The following ZNF233 variants were observed in gnomAD, a reference collection of about 807,000 sequenced individuals.
ZNF233 encodes the protein zinc finger protein 233.
ZNF233 carries 7 observed loss-of-function variants against 11.6 expected under a neutral mutation model. That is an observed-to-expected ratio of 0.60 (90% CI 0.34 to 1.13). The LOEUF is 1.13. Among genes scored for constraint, ZNF233 ranks in the 50% most tolerant of loss-of-function variants. The pLI is 0.03. For synonymous variants in ZNF233, 226 were observed against 268.5 expected (o/e 0.84, Z 1.55); for missense variants, 711 against 785.5 (o/e 0.91, Z 1.13).
In ZNF233 at chr19:44,274,459, G is replaced by T. The variant is rs1009398833; in HGVS notation, c.1799G>T (p.Gly600Val). The change falls in exon 5 of 5, where the codon GGC (glycine) becomes GTC (valine). Residue 600 changes from glycine (G) to valine (V), a missense_variant. Transcript: ENST00000683810. ...TACAAATGTGAAGAATGTAGGAAAG[G>T]CTTCATCTGGAACTCATATCTTCAT... is the stretch of plus-strand genomic sequence containing the variant. ...KPYKCEECRK[G>V]FIWNSYLHVH... 6.2e-7 allele frequency: 1 copy of T among 1,614,090 alleles called. No individual in the cohort carries two copies. The highest frequency in any genetic ancestry group is 8.5e-7 in the Non-Finnish European group (1 of 1,179,976).
intron 2 of ZNF233, among the ~76,000 whole-genome samples, chr19:44,265,424 CTTTTG>C (rs1975055861): frequency 2.0e-5 from 3 of 146,806 alleles, no homozygotes; most frequent in Admixed American, 1.4e-4. Context: ...GGTTTCTTTT[CTTTTG>C]TTTTTTTTTG....
intron 1 of ZNF233, chr19:44,260,328 C>A (rs753119676): frequency 6.4e-6 from 1 of 155,256 alleles, no homozygotes; most frequent in Non-Finnish European, 1.4e-5. Flanking sequence ...TAGGACCGAT[C>A]CTGACACACA....
chr19:44,265,447 G>A (rs1188242425), intron 2 of ZNF233, among the ~76,000 whole-genome samples: 1 of 150,934 alleles, frequency 6.6e-6, no homozygotes, highest in Admixed American at 6.6e-5. Flanking sequence ...TTGAGACGGA[G>A]TCTTGCACTG....
At chr19:44,261,417 G>A (rs1273614416) in intron 1 of ZNF233, among the ~76,000 whole-genome samples, 1 of 152,024 alleles carries the variant, frequency 6.6e-6, no homozygotes, top group East Asian at 1.9e-4. Flanking sequence ...AAGAGAGTGA[G>A]AGTCTGTCTC....
At position 44,273,110 on chromosome 19, in the gene ZNF233, G is replaced by C. The variant is rs779219297; in HGVS notation, c.450G>C (p.Gln150His). Residue 150 changes from glutamine to histidine, a missense_variant, in exon 5 of 5, where the codon CAG (glutamine) becomes CAC (histidine). Physicochemically the swap from Gln to His is conservative, Grantham distance 24. Transcript: ENST00000683810. The stretch of plus-strand genomic sequence containing the variant: ...AGGTGTGGACAGGAGAATCTAGTCA[G>C]GTCTCTGAAGATGAGAACTATGTAA... ...PCQVWTGESS[Q>H]VSEDENYVIK... is the part of the protein sequence containing the mutation. 2 of 1,613,888 alleles carry C rather than the reference G, an allele frequency of 1.2e-6. No homozygotes were observed. The highest frequency in any genetic ancestry group is 2.7e-5 in the African/African-American group (2 of 74,886).
chr19:44,266,238 G>C lies in ZNF233; in HGVS notation c.56G>C (p.Arg19Thr). The C allele has an allele frequency of 6.2e-7, 1 of 1,612,656 alleles. No homozygotes were observed. The highest frequency in any genetic ancestry group is 1.1e-5 in the South Asian group (1 of 91,030). The change falls in exon 3 of 5, where the codon AGG (arginine) becomes ACG (threonine). Residue 19 changes from arginine (R) to threonine (T), a missense_variant. Coordinates refer to ENST00000683810, the MANE Select transcript of ZNF233 (RefSeq NM_001207005.2). ...TFKDVAVVFT[R>T]EELGLLDLAQ... ...AAGGATGTGGCTGTGGTCTTCACCA[G>C]GGAGGAGCTGGGGTTGCTGGACCTT...
chr19:44,273,243 C>G lies in ZNF233; in HGVS notation c.583C>G (p.Gln195Glu). ...GTATCTGAGAGAACCACAGAATTATCAGAGTAGGTGTCAGCAAATTGATGT... is the reference window on the plus strand; with the variant it reads ...GTATCTGAGAGAACCACAGAATTATGAGAGTAGGTGTCAGCAAATTGATGT... ...KMYLREPQNY[Q>E]SRCQQIDVKN... is the part of the protein sequence containing the mutation. Residue 195 changes from glutamine to glutamate, a missense_variant, in exon 5 of 5, where the codon CAG becomes GAG. Coordinates refer to ENST00000683810, the MANE Select transcript of ZNF233 (RefSeq NM_001207005.2). 1.9e-6 allele frequency: 3 copies of G among 1,613,858 alleles called. No individual in the cohort carries two copies. Among genetic ancestry groups the G allele is most frequent in the Admixed American group, 3.3e-5 (2 of 60,006 alleles).
In ZNF233 at chr19:44,274,451, T is replaced by C; in HGVS notation, c.1791T>C (p.Cys597=). The change falls in exon 5 of 5, where the codon TGT becomes TGC. Residue 597 remains cysteine (C), a synonymous_variant. Transcript: ENST00000683810. The stretch of plus-strand genomic sequence containing the variant: ...AGAAACCATACAAATGTGAAGAATG[T>C]AGGAAAGGCTTCATCTGGAACTCAT... The part of the protein sequence containing the change: ...TGEKPYKCEE[C]RKGFIWNSYL... 1 of 1,614,122 alleles carries C rather than the reference T, an allele frequency of 6.2e-7. No individual in the cohort carries two copies. The highest frequency in any genetic ancestry group is 1.1e-5 in the South Asian group (1 of 91,084).
chr19:44,262,438 G>T (rs1433276735), intron 1 of ZNF233, among the ~76,000 whole-genome samples: 1 of 152,210 alleles, frequency 6.6e-6, no homozygotes, highest in Admixed American at 6.5e-5. Flanking sequence ...GTAGTGAGCA[G>T]AGCTGAGCCA....
At position 44,274,761 on chromosome 19, in the gene ZNF233, CA is replaced by C; in HGVS notation, c.*89del. 1 of 989,760 alleles carries C rather than the reference CA, an allele frequency of 1.0e-6. No individual in the cohort carries two copies. The highest frequency in any genetic ancestry group is 1.4e-6 in the Non-Finnish European group (1 of 695,502). The allele number at this position is 989,760 out of a possible 1,614,324, so 61.3% of individuals were successfully genotyped here. A position where few individuals can be genotyped will look rare whatever the true frequency, so the allele number is the denominator to read the frequency against. The stretch of plus-strand genomic sequence containing the variant: ...CATTTTCCTCAGAAAATCCACACAG[CA>C]CAGAATATTTATAAAATGTCATGTT... On this transcript the variant is annotated 3_prime_UTR_variant, in exon 5 of 5. Coordinates refer to ENST00000683810, the MANE Select transcript of ZNF233 (RefSeq NM_001207005.2).
intron 1 of ZNF233, 120 bp from the exon 2 acceptor site, chr19:44,264,192 GGC>G: frequency 1.5e-6 from 1 of 681,386 alleles, no homozygotes; most frequent in Non-Finnish European, 2.6e-6. Context: ...TGCCTGCCTC[GGC>G]CTCCCAAAGT....
At chr19:44,264,868 A>C (rs1288341926) in intron 2 of ZNF233, among the ~76,000 whole-genome samples, 3 of 152,206 alleles carry the variant, frequency 2.0e-5, no homozygotes, top group African/African-American at 7.2e-5. Flanking sequence ...AGAGGCTACA[A>C]AACAAACACA....
chr19:44,267,214 A>G, intron 4 of ZNF233: 2 of 434,030 alleles, frequency 4.6e-6, no homozygotes, highest in East Asian at 3.3e-5. Context: ...ATTAATTCCA[A>G]AATCTCTACG....
intron 4 of ZNF233, among the ~76,000 whole-genome samples, chr19:44,270,520 TCAAAA>T (rs1975210115): frequency 6.6e-6 from 1 of 152,032 alleles, no homozygotes; most frequent in Non-Finnish European, 1.5e-5. Context: ...GAACTTCGTC[TCAAAA>T]CAAAACAAAA....
Position 44,273,822 on chromosome 19 carries a change from C to G in ZNF233, c.1162C>G (p.His388Asp), listed in dbSNP as rs1406110590. The G allele has an allele frequency of 6.2e-7, 1 of 1,614,158 alleles. No individual in the cohort carries two copies. The highest frequency in any genetic ancestry group is 8.5e-7 in the Non-Finnish European group (1 of 1,180,024). ...GFHHSLDFDI[H>D]CVDSAGERAC... is the part of the protein sequence containing the mutation. ...CCATCATAGCTTAGATTTTGACATT[C>G]ACTGTGTAGACAGTGCTGGAGAGAG... Residue 388 changes from histidine to aspartate, a missense_variant, in exon 5 of 5, where the codon CAC becomes GAC. Physicochemically the swap from His to Asp is moderately conservative, Grantham distance 81 (BLOSUM62 -1). Coordinates refer to ENST00000683810, the MANE Select transcript of ZNF233 (RefSeq NM_001207005.2).
At chr19:44,260,516 C>G (rs1312318886) in intron 1 of ZNF233, among the ~76,000 whole-genome samples, 3 of 152,116 alleles carry the variant, frequency 2.0e-5, no homozygotes, top group African/African-American at 7.2e-5. Flanking sequence ...CGTGGGGGGA[C>G]GGGGGTGTCA....
At position 44,274,449 on chromosome 19, in the gene ZNF233, T is replaced by G. The variant is rs774382974; in HGVS notation, c.1789T>G (p.Cys597Gly). ...TGEKPYKCEE[C>G]RKGFIWNSYL... ...AGAGAAACCATACAAATGTGAAGAA[T>G]GTAGGAAAGGCTTCATCTGGAACTC... The change falls in exon 5 of 5, where the codon TGT becomes GGT. Residue 597 changes from cysteine (C) to glycine (G), a missense_variant. Transcript: ENST00000683810. The G allele has an allele frequency of 6.2e-6, 10 of 1,613,974 alleles. No homozygotes were observed. Among genetic ancestry groups the G allele is most frequent in the Admixed American group, 5.0e-5 (3 of 59,994 alleles).
rs574071177 is a variant in ZNF233 at position 44,264,215 on chromosome 19, C to T, written c.-47-99C>T. On this transcript the variant is annotated intron_variant, in intron 1 of 4. Transcript: ENST00000683810. The stretch of plus-strand genomic sequence containing the variant: ...TCGGCCTCCCAAAGTGCTGGGATTA[C>T]AGGCATGAGCCACCATGCCCGGCCA... 44 of 783,094 alleles carry T rather than the reference C, an allele frequency of 5.6e-5. No individual in the cohort carries two copies. In the East Asian group the frequency reaches 1.1e-3, roughly 20 times the overall value. 48.5% of individuals were successfully genotyped at this position (783,094 alleles called of 1,614,324 possible). A position where few individuals can be genotyped will look rare whatever the true frequency, so the allele number is the denominator to read the frequency against.
chr19:44,274,819 A>T lies in ZNF233; in HGVS notation c.*146A>T. The stretch of plus-strand genomic sequence containing the variant: ...ATTCATGAGCTGAGTTTTTATAGTT[A>T]TCTGAATTCCATTGAAGAAAACCTA... On this transcript the variant is annotated 3_prime_UTR_variant, in exon 5 of 5. Transcript: ENST00000683810. 1.4e-6 allele frequency: 1 copy of T among 691,776 alleles called. No homozygotes were observed. Among genetic ancestry groups the T allele is most frequent in the Non-Finnish European group, 2.2e-6 (1 of 447,820 alleles). The allele number at this position is 691,776 out of a possible 1,614,324, so 42.9% of individuals were successfully genotyped here.
Sources: allele counts gnomAD v4.1 joint callset (sites outside exome capture counted in the v4.1 genomes callset), GRCh38; gene constraint gnomAD v4.1.1; transcripts MANE v1.5; gene names NCBI Gene and HGNC (gene_info 2026-07-23, HGNC 2026-07-21).